The following ANKRD39 variants were observed in gnomAD, a reference collection of about 807,000 sequenced individuals.
The protein encoded by ANKRD39 is ankyrin repeat domain-containing protein 39.
ANKRD39 carries 18 observed loss-of-function variants against 20.3 expected under a neutral mutation model. The observed-to-expected ratio is 0.89, with a 90% CI of 0.61 to 1.32. ANKRD39 has a LOEUF of 1.32. Among genes scored for constraint, ANKRD39 ranks in the 40% most tolerant of loss-of-function variants. The pLI, the probability that ANKRD39 is intolerant of heterozygous loss-of-function variation, is 0.00. For missense variants in ANKRD39, 243 were observed against 250.7 expected (o/e 0.97, Z 0.21); for synonymous variants, 106 against 111.9 (o/e 0.95, Z 0.33).
chr2:96,848,866 G>A (rs1304307025), intron 3 of ANKRD39, among the ~76,000 whole-genome samples: 2 of 152,076 alleles, frequency 1.3e-5, no homozygotes, highest in African/African-American at 2.4e-5. Flanking sequence ...TGTTTGAGTA[G>A]ATTTCTTCTA....
At chr2:96,848,592 CA>C in intron 3 of ANKRD39, 148 bp from the exon 4 acceptor site, 2 of 1,012,350 alleles carry the variant, frequency 2.0e-6, no homozygotes, top group East Asian at 2.7e-5. Context: ...TTTGGGAGGC[CA>C]AGGCAGGCGG....
rs1360453595 is a variant in ANKRD39, at chr2:96,853,481, T to C, written c.328A>G (p.Thr110Ala). 1 of 1,610,788 alleles carries C rather than the reference T, an allele frequency of 6.2e-7. No individual in the cohort carries two copies. The highest frequency in any genetic ancestry group is 2.2e-5 in the East Asian group (1 of 44,690). ...GATAGCAGGAGCCGCGCGATTTCAG[T>C]GTGCCCGCAGTAGCTGGCTCGGTGC... ...ALHRASYCGH[T>A]EIARLLLSHG... Residue 110 changes from threonine (T) to alanine (A), a missense_variant, in exon 3 of 4, where the codon ACT becomes GCT. Transcript: ENST00000393537.
chr2:96,855,638 G>A (rs563801007), intron 1 of ANKRD39, among the ~76,000 whole-genome samples: 1 of 151,482 alleles, frequency 6.6e-6, no homozygotes, highest in African/African-American at 2.4e-5. Context: ...CAGAAGAATC[G>A]CGTGAACCCA....
At chr2:96,851,384 G>A (rs554816099) in intron 3 of ANKRD39, among the ~76,000 whole-genome samples, 1 of 152,152 alleles carries the variant, frequency 6.6e-6, no homozygotes, top group South Asian at 2.1e-4. Flanking sequence ...TTGAACTCCC[G>A]ACCTCACGTG....
At chr2:96,856,055 C>A (rs1325965263) in intron 1 of ANKRD39, among the ~76,000 whole-genome samples, 4 of 152,202 alleles carry the variant, frequency 2.6e-5, no homozygotes, top group African/African-American at 9.7e-5. Context: ...CTCACAGTTT[C>A]TTTTATTTGT....
intron 1 of ANKRD39, 88 bp from the exon 2 acceptor site, chr2:96,854,529 A>G (rs988304849): frequency 5.6e-5 from 69 of 1,235,796 alleles, no homozygotes; most frequent in Non-Finnish European, 7.3e-5. Context: ...TCTTGTCTAT[A>G]AAGTGAAGAA....
intron 3 of ANKRD39, 78 bp downstream of exon 3, chr2:96,853,323 T>A: frequency 6.8e-7 from 1 of 1,467,328 alleles, no homozygotes; most frequent in Non-Finnish European, 9.3e-7. Flanking sequence ...TTTCCTGTTT[T>A]CCCCATGTTT....
At chr2:96,857,824 G>T in intron 1 of ANKRD39, 64 bp downstream of exon 1, 1 of 1,490,946 alleles carries the variant, frequency 6.7e-7, no homozygotes, top group Non-Finnish European at 9.0e-7. Context: ...CCTCTCCTTG[G>T]CCCCACGCCT....
chr2:96,849,537 C>G (rs1018726556), intron 3 of ANKRD39, among the ~76,000 whole-genome samples: 2 of 152,168 alleles, frequency 1.3e-5, no homozygotes, highest in Non-Finnish European at 2.9e-5. Flanking sequence ...GTAATCCCCG[C>G]TACTCGGGAG....
intron 3 of ANKRD39, among the ~76,000 whole-genome samples, chr2:96,849,948 A>C: frequency 6.6e-6 from 1 of 152,240 alleles, no homozygotes. Context: ...ATCTTATTTA[A>C]CTTTCAAAAT....
chr2:96,857,964 C>G lies in ANKRD39; in HGVS notation c.24G>C (p.Ala8=). 6.4e-7 allele frequency: 1 copy of G among 1,556,832 alleles called. No individual in the cohort carries two copies. The highest frequency in any genetic ancestry group is 8.6e-7 in the Non-Finnish European group (1 of 1,158,982). The part of the protein sequence containing the change: MATPRPC[A]DGPCCSHPSA... ...TGGGATGCGAGCAGCAGGGCCCGTC[C>G]GCGCAGGGCCGAGGCGTCGCCATCC... The change falls in exon 1 of 4, where the codon GCG becomes GCC. Residue 8 remains alanine (A), a synonymous_variant. Coordinates refer to ENST00000393537, the MANE Select transcript of ANKRD39 (RefSeq NM_016466.6).
chr2:96,851,885 T>A (rs554612874), intron 3 of ANKRD39, among the ~76,000 whole-genome samples: 3 of 151,106 alleles, frequency 2.0e-5, no homozygotes, highest in Non-Finnish European at 4.4e-5. Flanking sequence ...GGGGACAGAG[T>A]AGTAGGTTCA....
At chr2:96,853,338 C>G (rs1228818367) in intron 3 of ANKRD39, 63 bp downstream of exon 3, 2 of 1,506,326 alleles carry the variant, frequency 1.3e-6, no homozygotes, top group Admixed American at 4.0e-5. Context: ...ATGTTTTCTA[C>G]ATGAACATGT....
intron 3 of ANKRD39, among the ~76,000 whole-genome samples, chr2:96,849,592 G>A (rs767018504): frequency 9.8e-5 from 15 of 152,328 alleles, no homozygotes; most frequent in Middle Eastern, 3.4e-3. Flanking sequence ...AGAGGTTGCA[G>A]TGAGCCGAGA....
At chr2:96,853,696 G>A in intron 2 of ANKRD39, 92 bp from the exon 3 acceptor site, 1 of 1,304,542 alleles carries the variant, frequency 7.7e-7, no homozygotes, top group South Asian at 1.3e-5. Flanking sequence ...CTGCAGCGAG[G>A]GGCCTGGAAT....
Position 96,854,413 on chromosome 2 carries a change from G to C in ANKRD39, c.129C>G (p.Asp43Glu). The change falls in exon 2 of 4, where the codon GAC becomes GAG. Residue 43 changes from aspartate to glutamate, a missense_variant. By Grantham distance (45) the Asp-to-Glu change is conservative. Coordinates refer to ENST00000393537, the MANE Select transcript of ANKRD39 (RefSeq NM_016466.6). Reference protein sequence around the residue: ...RGIWSAALNGDLGRVKHLIQK... With the variant: ...RGIWSAALNGELGRVKHLIQK... ...GGATTAAATGCTTCACTCGGCCCAG[G>C]TCTCCATTCAGGGCTGCCGACCAGA... The C allele has an allele frequency of 6.2e-7, 1 of 1,614,176 alleles. No individual in the cohort carries two copies. Among genetic ancestry groups the C allele is most frequent in the African/African-American group, 1.3e-5 (1 of 75,048 alleles).
intron 2 of ANKRD39, among the ~76,000 whole-genome samples, chr2:96,854,063 G>A (rs947773560): frequency 3.3e-5 from 5 of 152,192 alleles, no homozygotes; most frequent in African/African-American, 1.2e-4. Flanking sequence ...GGAGGCGGAG[G>A]TTGCAGTGAG....
At chr2:96,849,121 TTTTA>T (rs558377383) in intron 3 of ANKRD39, among the ~76,000 whole-genome samples, 133 of 152,162 alleles carry the variant, frequency 8.7e-4, no homozygotes, top group African/African-American at 3.1e-3. Context: ...CCATTGGGAA[TTTTA>T]TTTATTTATT....
intron 2 of ANKRD39, among the ~76,000 whole-genome samples, chr2:96,853,887 G>A (rs1167610158): frequency 6.6e-6 from 1 of 152,234 alleles, no homozygotes; most frequent in African/African-American, 2.4e-5. Context: ...AGCACTTTGG[G>A]AGGCCGAGGC....
Sources: allele counts gnomAD v4.1 joint callset (sites outside exome capture counted in the v4.1 genomes callset), GRCh38; gene constraint gnomAD v4.1.1; transcripts MANE v1.5; gene names NCBI Gene and HGNC (gene_info 2026-07-23, HGNC 2026-07-21).